Variants in CDYL observed in about 807,000 individuals in gnomAD.
The protein encoded by CDYL is chromodomain Y-like protein.
In CDYL, 8 loss-of-function variants were observed where a neutral mutation model predicts 47.3. The ratio of observed to expected loss-of-function variants is 0.17; its 90% CI spans 0.10 to 0.31. The LOEUF (loss-of-function observed/expected upper bound fraction) is 0.31. Among genes scored for constraint, CDYL ranks in the 10% least tolerant of loss-of-function variants. CDYL has a pLI of 1.00. For synonymous variants in CDYL, 266 were observed against 265.0 expected, an observed-to-expected ratio of 1.00 and a Z score of -0.04; for missense variants, 471 against 701.4, an observed-to-expected ratio of 0.67 and a Z score of 3.71.
chr6:4,707,475 C>A (rs1052406808), intron 1 of CDYL, among the ~76,000 whole-genome samples: 2 of 152,072 alleles, frequency 1.3e-5, no homozygotes, highest in Non-Finnish European at 2.9e-5. Context: ...GGTTTCACCA[C>A]GTTGGCCAGG....
chr6:4,839,104 G>A (rs12203914), intron 1 of CDYL, among the ~76,000 whole-genome samples: 4 of 151,986 alleles, frequency 2.6e-5, no homozygotes, highest in African/African-American at 7.2e-5. Context: ...TTGATTTTTC[G>A]ATTATGACCA....
At chr6:4,919,272 G>A (rs1757642782) in intron 2 of CDYL, among the ~76,000 whole-genome samples, 1 of 151,910 alleles carries the variant, frequency 6.6e-6, no homozygotes. Flanking sequence ...CATTAAAACT[G>A]CAAGGCTGGC....
At chr6:4,881,287 A>G in intron 1 of CDYL, among the ~76,000 whole-genome samples, 1 of 151,986 alleles carries the variant, frequency 6.6e-6, no homozygotes, top group East Asian at 1.9e-4. Flanking sequence ...GAAATTTGAC[A>G]TTTCGTTATA....
chr6:4,804,432 G>A (rs1026703860), intron 1 of CDYL, among the ~76,000 whole-genome samples: 5 of 152,196 alleles, frequency 3.3e-5, no homozygotes, highest in Admixed American at 2.0e-4. Flanking sequence ...TGTTGAAATA[G>A]AAGTACAGTT....
intron 5 of CDYL, among the ~76,000 whole-genome samples, chr6:4,944,739 A>G (rs1184868171): frequency 6.6e-6 from 1 of 152,238 alleles, no homozygotes; most frequent in Non-Finnish European, 1.5e-5. Context: ...GGATGTTATA[A>G]TCAGTGGGTA....
At chr6:4,948,821 GA>G (rs1758610219) in intron 5 of CDYL, among the ~76,000 whole-genome samples, 1 of 152,232 alleles carries the variant, frequency 6.6e-6, no homozygotes, top group South Asian at 2.1e-4. Flanking sequence ...AGTATCTGAC[GA>G]AGCCTCTCTA....
rs185219821 is a variant in CDYL, at chr6:4,855,859, G to A, written c.25-35854G>A. 5.9e-4 allele frequency among the ~76,000 whole-genome samples: 90 copies of A among 152,336 alleles called. 1 individual carries two copies. Among genetic ancestry groups the A allele is most frequent in the Admixed American group, 5.3e-3 (81 of 15,306 alleles). ...ATGTAGCTCTCACTATGCAGAGTGG[G>A]TAGACTTTAGAACCCTTGCCTTGTC... On this transcript the variant is annotated intron_variant, in intron 1 of 6. Transcript: ENST00000397588.
At chr6:4,720,416 ATGTT>A (rs1467538846) in intron 2 of CDYL, among the ~76,000 whole-genome samples, 1 of 152,210 alleles carries the variant, frequency 6.6e-6, no homozygotes, top group Non-Finnish European at 1.5e-5. Context: ...CATGAAATAA[ATGTT>A]TGTTGAAATG....
intron 1 of CDYL, among the ~76,000 whole-genome samples, chr6:4,836,574 C>A (rs763658145): frequency 1.3e-5 from 2 of 152,144 alleles, no homozygotes; most frequent in Admixed American, 1.3e-4. Flanking sequence ...CTTCTAAAGT[C>A]CTTTAAAAGA....
intron 1 of CDYL, among the ~76,000 whole-genome samples, chr6:4,802,511 C>G (rs1759254001): frequency 6.6e-6 from 1 of 152,090 alleles, no homozygotes; most frequent in Non-Finnish European, 1.5e-5. Flanking sequence ...TGTATTCCAG[C>G]CTGGGTGACA....
At chr6:4,893,967 A>G (rs142384006) in intron 2 of CDYL, among the ~76,000 whole-genome samples, 94 of 152,292 alleles carry the variant, frequency 6.2e-4, no homozygotes, top group Admixed American at 1.5e-3. Flanking sequence ...CATCTTGCCA[A>G]TGTTTTTCAG....
At position 4,784,910 on chromosome 6, in the gene CDYL, A is replaced by G. The variant is rs181669229; in HGVS notation, c.24+8103A>G. 2.5e-3 allele frequency among the ~76,000 whole-genome samples: 381 copies of G among 150,256 alleles called. 2 individuals carry two copies. The highest frequency in any genetic ancestry group is 7.9e-3 in the African/African-American group (311 of 39,602). On this transcript the variant is annotated intron_variant, in intron 1 of 6. Coordinates refer to ENST00000397588, the MANE Select transcript of CDYL (RefSeq NM_004824.4). ...TTGATAAAAAGGAGTTCCCCTGCAC[A>G]AGCTCTCTTGCCTGCCACCATGTAA...
chr6:4,787,253 T>TG (rs1361668571), intron 1 of CDYL, among the ~76,000 whole-genome samples: 1 of 4,060 alleles, frequency 2.5e-4, no homozygotes, highest in Non-Finnish European at 3.9e-4. Flanking sequence ...AGTGTGTGTT[T>TG]GAGGGAGGTG....
intron 1 of CDYL, among the ~76,000 whole-genome samples, chr6:4,713,577 A>T (rs865796431): frequency 1.6e-5 from 2 of 128,586 alleles, no homozygotes; most frequent in African/African-American, 3.1e-5. Context: ...TAAAACTTCT[A>T]TCATTTAGAT....
At chr6:4,921,705 A>C (rs1757721430) in intron 2 of CDYL, among the ~76,000 whole-genome samples, 2 of 152,028 alleles carry the variant, frequency 1.3e-5, no homozygotes, top group African/African-American at 4.8e-5. Flanking sequence ...CTGGCTTTTC[A>C]TGGTAAACCT....
intron 2 of CDYL, among the ~76,000 whole-genome samples, chr6:4,929,610 G>A (rs1243535261): frequency 6.6e-6 from 1 of 151,436 alleles, no homozygotes; most frequent in African/African-American, 2.4e-5. Flanking sequence ...CAGGTTCATC[G>A]TTTTTTCTGT....
intron 2 of CDYL, chr6:4,715,950 T>G: frequency 6.4e-7 from 1 of 1,556,942 alleles, no homozygotes; most frequent in South Asian, 1.2e-5. Context: ...CCCCTTTTAT[T>G]TAAAAATGAT....
chr6:4,923,177 G>A (rs34200379), intron 2 of CDYL, among the ~76,000 whole-genome samples: 9,893 of 151,912 alleles, frequency 0.065, 420 homozygotes, highest in African/African-American at 0.12. Context: ...TTATTCCTCC[G>A]GTCTAGCTTT....
At chr6:4,849,944 A>C (rs892494164) in intron 1 of CDYL, among the ~76,000 whole-genome samples, 1 of 39,380 alleles carries the variant, frequency 2.5e-5, no homozygotes, top group Admixed American at 3.1e-4. Flanking sequence ...AAGGGTGGGG[A>C]GGGAGGGGGG....
Sources: gnomAD v4.1 joint callset for allele counts (sites outside exome capture counted in the v4.1 genomes callset) on GRCh38, gnomAD v4.1.1 for gene constraint, MANE v1.5 for transcripts, NCBI Gene and HGNC (gene_info 2026-07-23, HGNC 2026-07-21) for gene names.